RBFOX1: variants seen among roughly 807,000 people sequenced by gnomAD.
The protein encoded by RBFOX1 is RNA binding protein fox-1 homolog 1.
RBFOX1 carries 8 observed loss-of-function variants against 57.7 expected under a neutral mutation model. The ratio of observed to expected loss-of-function variants is 0.14; its 90% CI spans 0.08 to 0.25. The LOEUF is 0.25. Among genes scored for constraint, RBFOX1 ranks in the 10% least tolerant of loss-of-function variants. The pLI is 1.00. For missense variants in RBFOX1, 611 were observed against 548.5 expected, an observed-to-expected ratio of 1.11 and a Z score of -1.14; for synonymous variants, 326 against 222.4, an observed-to-expected ratio of 1.47 and a Z score of -4.15.
rs137963371 is a variant in RBFOX1, at chr16:5,992,959, G to T, written c.351+125624G>T. Among the ~76,000 whole-genome samples, 46 of 152,228 alleles carry T rather than the reference G, an allele frequency of 3.0e-4. 1 individual carries two copies. The East Asian group carries it at 8.7e-3, about 29-fold the overall frequency. On this transcript the variant is annotated intron_variant, in intron 4 of 19. Coordinates refer to the RBFOX1 transcript ENST00000641259. ...CTCAAAAGAAAGAAAAAAAAGATTT[G>T]CATGACAGTGGCAGACATCTGCCGA...
At chr16:6,811,545 T>G (rs576215878) in intron 3 of RBFOX1, among the ~76,000 whole-genome samples, 2 of 152,300 alleles carry the variant, frequency 1.3e-5, no homozygotes, top group East Asian at 3.9e-4. Flanking sequence ...AAGGTACTTT[T>G]GTTTTGTTTT....
chr16:6,999,216 A>ATTTTTT (rs374767232), intron 3 of RBFOX1, among the ~76,000 whole-genome samples: 3 of 109,030 alleles, frequency 2.8e-5, no homozygotes, highest in African/African-American at 3.4e-5. Flanking sequence ...ATTTTTATTT[A>ATTTTTT]TTTTTTTTAT....
chr16:6,391,327 G>A (rs1396160628), intron 2 of RBFOX1, among the ~76,000 whole-genome samples: 2 of 152,020 alleles, frequency 1.3e-5, no homozygotes, highest in Non-Finnish European at 2.9e-5. Flanking sequence ...GGCTAACACG[G>A]TGAAACCCCG....
chr16:6,747,841 A>AT (rs1603507095), intron 3 of RBFOX1, among the ~76,000 whole-genome samples: 1 of 152,070 alleles, frequency 6.6e-6, no homozygotes, highest in Non-Finnish European at 1.5e-5. Context: ...ATCCAGAGTC[A>AT]TTTTTCTGAC....
chr16:6,327,911 A>T (rs902480440), intron 2 of RBFOX1, among the ~76,000 whole-genome samples: 4 of 152,148 alleles, frequency 2.6e-5, no homozygotes, highest in African/African-American at 9.7e-5. Flanking sequence ...ACTTTGTTGC[A>T]TGCACCGTGG....
intron 4 of RBFOX1, among the ~76,000 whole-genome samples, chr16:5,969,322 T>TC (rs2059914795): frequency 9.1e-6 from 1 of 110,410 alleles, no homozygotes; most frequent in African/African-American, 3.3e-5. Flanking sequence ...TTTTTTTTTT[T>TC]TGGTTTGGAA....
At chr16:5,373,937 G>T (rs1288274932) in intron 1 of RBFOX1, among the ~76,000 whole-genome samples, 1 of 151,388 alleles carries the variant, frequency 6.6e-6, no homozygotes, top group Non-Finnish European at 1.5e-5. Flanking sequence ...CCCAGTTTGA[G>T]ATGGAGTCTT....
chr16:5,859,857 G>A (rs2057165734), intron 3 of RBFOX1, among the ~76,000 whole-genome samples: 1 of 152,186 alleles, frequency 6.6e-6, no homozygotes, highest in South Asian at 2.1e-4. Flanking sequence ...CTGTGGGTCA[G>A]GAATCTAGGC....
chr16:6,558,630 A>G (rs2097137415), intron 2 of RBFOX1, among the ~76,000 whole-genome samples: 3 of 152,134 alleles, frequency 2.0e-5, no homozygotes, highest in African/African-American at 4.8e-5. Flanking sequence ...GTCAATGTCT[A>G]GAAAAATTGT....
chr16:7,425,587 T>A (rs923315185), intron 4 of RBFOX1, among the ~76,000 whole-genome samples: 1 of 152,218 alleles, frequency 6.6e-6, no homozygotes, highest in Admixed American at 6.5e-5. Context: ...TGAAATTACA[T>A]AGTTTCCTCT....
intron 3 of RBFOX1, among the ~76,000 whole-genome samples, chr16:6,936,589 G>A (rs750496517): frequency 5.3e-5 from 8 of 152,072 alleles, no homozygotes; most frequent in Non-Finnish European, 1.2e-4. Flanking sequence ...GTATATGCCA[G>A]CCTAAGCACT....
intron 1 of RBFOX1, among the ~76,000 whole-genome samples, chr16:6,256,181 A>ATATG (rs2097662240): frequency 3.0e-5 from 1 of 33,378 alleles, no homozygotes; most frequent in African/African-American, 9.6e-5. Context: ...GTATATATAT[A>ATATG]TATACGTATA....
At chr16:5,911,116 G>A (rs1312239318) in intron 4 of RBFOX1, among the ~76,000 whole-genome samples, 1 of 152,160 alleles carries the variant, frequency 6.6e-6, no homozygotes, top group Non-Finnish European at 1.5e-5. Context: ...CTCTGTCATT[G>A]GACTGGCATT....
chr16:7,684,711 G>C (rs908529572), intron 14 of RBFOX1, among the ~76,000 whole-genome samples: 4 of 151,756 alleles, frequency 2.6e-5, no homozygotes, highest in African/African-American at 9.7e-5. Context: ...TAAAATTTTA[G>C]AATGTATTAA....
chr16:5,633,633 G>A (rs920648522), intron 3 of RBFOX1, among the ~76,000 whole-genome samples: 3 of 152,124 alleles, frequency 2.0e-5, no homozygotes, highest in African/African-American at 7.2e-5. Context: ...CAGCACTTTG[G>A]GAGGTCGAGG....
chr16:6,844,508 T>G (rs775947889), intron 3 of RBFOX1, among the ~76,000 whole-genome samples: 2 of 152,324 alleles, frequency 1.3e-5, no homozygotes, highest in Non-Finnish European at 2.9e-5. Context: ...GCAGAAGATA[T>G]GACCTTATTC....
At chr16:5,982,779 T>C (rs1474704143) in intron 4 of RBFOX1, among the ~76,000 whole-genome samples, 1 of 152,224 alleles carries the variant, frequency 6.6e-6, no homozygotes, top group Non-Finnish European at 1.5e-5. Flanking sequence ...TAGAAATAGA[T>C]GGTTACTTCC....
At chr16:7,633,911 T>G (rs1197019293) in intron 11 of RBFOX1, among the ~76,000 whole-genome samples, 2 of 152,194 alleles carry the variant, frequency 1.3e-5, no homozygotes, top group Non-Finnish European at 2.9e-5. Context: ...TCTTCCAGAT[T>G]AGGTGCATAT....
At chr16:6,411,503 A>G (rs1196829515) in intron 2 of RBFOX1, among the ~76,000 whole-genome samples, 1 of 152,192 alleles carries the variant, frequency 6.6e-6, no homozygotes, top group Non-Finnish European at 1.5e-5. Context: ...AAAACTTTGA[A>G]CTTCATAAAT....
Sources: allele counts gnomAD v4.1 joint callset (sites outside exome capture counted in the v4.1 genomes callset), GRCh38; gene constraint gnomAD v4.1.1; transcripts MANE v1.5; gene names NCBI Gene and HGNC (gene_info 2026-07-23, HGNC 2026-07-21).